The following SYAP1 variants were observed in gnomAD, a reference collection of about 807,000 sequenced individuals.
SYAP1 encodes synapse-associated protein 1.
A neutral mutation model predicts 29.6 loss-of-function variants in SYAP1; 3 were observed. The observed-to-expected ratio is 0.10, with a 90% confidence interval of 0.05 to 0.26. The LOEUF is 0.26. Ranked by LOEUF, SYAP1 falls within the 10% of genes least tolerant of loss-of-function variation. The probability of loss-of-function intolerance (pLI) is 1.00; values close to 1 mark genes in which losing one functional copy is unlikely to be tolerated. For synonymous variants in SYAP1, 102 were observed against 102.7 expected (o/e 0.99, Z 0.04); for missense variants, 217 against 264.1 (o/e 0.82, Z 1.24).
intron 3 of SYAP1, among the ~76,000 whole-genome samples, chrX:16,738,527 C>G (rs1244462190): frequency 8.9e-6 from 1 of 111,772 alleles, no homozygotes; most frequent in Non-Finnish European, 1.9e-5. Flanking sequence ...CAAAAATTAG[C>G]TGGGCCTAGT....
At chrX:16,757,347 G>C (rs745576824) in intron 8 of SYAP1, 38 bp downstream of exon 8, 1 of 1,166,562 alleles carries the variant, frequency 8.6e-7, no homozygotes, top group African/African-American at 1.8e-5. Flanking sequence ...GAAACTATTC[G>C]TCTCCCTAAT....
In SYAP1 at chrX:16,759,186, C is replaced by T. The variant is rs369616229; in HGVS notation, c.932-1046C>T. Reference sequence around the variant, plus strand: ...CAGCCTGGGCAACAGAGCAAGACTCCGTCTCAAAAAAAAAAAAAAAATACA... The same window carrying T: ...CAGCCTGGGCAACAGAGCAAGACTCTGTCTCAAAAAAAAAAAAAAAATACA... On this transcript the variant is annotated intron_variant, in intron 8 of 8. Coordinates refer to ENST00000380155, the MANE Select transcript of SYAP1 (RefSeq NM_032796.4). 1.9e-4 allele frequency among the ~76,000 whole-genome samples: 18 copies of T among 96,907 alleles called. No individual in the cohort carries two copies. In the East Asian group the frequency reaches 2.3e-3, roughly 12 times the overall value. The allele number at this position is 96,907 out of a possible 115,157, so 84.2% of individuals were successfully genotyped here.
At chrX:16,728,945 A>T (rs148845034) in intron 1 of SYAP1, among the ~76,000 whole-genome samples, 2,673 of 107,752 alleles carry the variant, frequency 0.025, 103 homozygotes, top group African/African-American at 0.087. Flanking sequence ...AGGCTGAGGC[A>T]GGAGAATTGC....
intron 6 of SYAP1, among the ~76,000 whole-genome samples, chrX:16,755,497 A>T (rs1472551241): frequency 9.3e-6 from 1 of 107,914 alleles, no homozygotes; most frequent in African/African-American, 3.4e-5. Context: ...AACATCCGTC[A>T]TCTTCCCCCC....
chrX:16,741,979 T>A (rs1926470305), intron 4 of SYAP1, among the ~76,000 whole-genome samples, 190 bp downstream of exon 4: 1 of 109,027 alleles, frequency 9.2e-6, no homozygotes, highest in Non-Finnish European at 1.9e-5. Context: ...TTTTATTTTT[T>A]TTTTGAGATG....
intron 5 of SYAP1, among the ~76,000 whole-genome samples, chrX:16,745,861 T>G (rs113141175): frequency 0.036 from 4,017 of 111,287 alleles, 74 homozygotes; most frequent in Non-Finnish European, 0.057. Flanking sequence ...TGTGTTTTTA[T>G]GTATGTAATT....
chrX:16,720,689 G>A (rs1158321765), intron 1 of SYAP1, among the ~76,000 whole-genome samples: 1 of 111,916 alleles, frequency 8.9e-6, no homozygotes, highest in Non-Finnish European at 1.9e-5. Context: ...CTCATTTCTG[G>A]AGAGACCATG....
At chrX:16,757,838 C>T (rs1305859504) in intron 8 of SYAP1, among the ~76,000 whole-genome samples, 1 of 107,949 alleles carries the variant, frequency 9.3e-6, no homozygotes, top group Admixed American at 1.0e-4. Context: ...ACCCGGGAGG[C>T]GGATGTTGCA....
chrX:16,741,934 G>A (rs1685806969), intron 4 of SYAP1, 145 bp downstream of exon 4: 2 of 415,364 alleles, frequency 4.8e-6, no homozygotes, highest in African/African-American at 5.1e-5. Flanking sequence ...AACACATGAT[G>A]TGTACATTAA....
chrX:16,722,494 C>T (rs1241825928), intron 1 of SYAP1, among the ~76,000 whole-genome samples: 2 of 107,416 alleles, frequency 1.9e-5, no homozygotes, highest in African/African-American at 6.8e-5. Context: ...CGCCACTGCA[C>T]TCCAGTGTAG....
chrX:16,758,205 G>C (rs771639700), intron 8 of SYAP1, among the ~76,000 whole-genome samples: 4 of 110,718 alleles, frequency 3.6e-5, no homozygotes, highest in Non-Finnish European at 7.6e-5. Flanking sequence ...CACCACACCA[G>C]GCTAATTTTT....
chrX:16,743,962 T>G, intron 5 of SYAP1, 122 bp downstream of exon 5: 1 of 800,785 alleles, frequency 1.2e-6, no homozygotes, highest in Non-Finnish European at 1.8e-6. Flanking sequence ...CCGCAGCCCT[T>G]TGGCAGCTCC....
chrX:16,731,275 G>C (rs1926199194), intron 1 of SYAP1, among the ~76,000 whole-genome samples: 1 of 111,491 alleles, frequency 9.0e-6, no homozygotes, highest in Admixed American at 9.6e-5. Flanking sequence ...TATGACATTT[G>C]TTATGAGTAT....
At chrX:16,723,065 C>G (rs1926000929) in intron 1 of SYAP1, among the ~76,000 whole-genome samples, 1 of 112,247 alleles carries the variant, frequency 8.9e-6, no homozygotes, top group Admixed American at 9.5e-5. Context: ...TATTCCATGC[C>G]TAGGAATGGG....
chrX:16,729,135 C>T (rs369298758), intron 1 of SYAP1, among the ~76,000 whole-genome samples: 47 of 110,155 alleles, frequency 4.3e-4, no homozygotes, highest in African/African-American at 1.3e-3. Flanking sequence ...TTACTGATAA[C>T]GTACACTGAT....
At chrX:16,746,810 ACTC>A (rs1926620191) in intron 5 of SYAP1, among the ~76,000 whole-genome samples, 1 of 110,535 alleles carries the variant, frequency 9.0e-6, no homozygotes, top group Admixed American at 9.7e-5. Flanking sequence ...CTGGTCTTGA[ACTC>A]CTGACCTCAG....
At chrX:16,730,546 A>G (rs952241768) in intron 1 of SYAP1, among the ~76,000 whole-genome samples, 2 of 112,268 alleles carry the variant, frequency 1.8e-5, no homozygotes, top group Non-Finnish European at 3.8e-5. Context: ...ATCTAACTCC[A>G]TGTGTCCCAG....
rs964910069 is a variant in SYAP1, at chrX:16,761,654, CAG to C, written c.*1298_*1299del. 4 of 109,769 alleles carry C rather than the reference CAG, an allele frequency of 3.6e-5. No homozygotes were observed. Among genetic ancestry groups the C allele is most frequent in the Admixed American group, 9.9e-5 (1 of 10,063 alleles). 9.0% of individuals were successfully genotyped at this position (109,769 alleles called of 1,213,427 possible). ...CGCCACTGCACTCCAGCCTGGGTGA[CAG>C]AGTGAGAGACTCCGTCTCAAAAATG... On this transcript the variant is annotated 3_prime_UTR_variant, in exon 9 of 9. Coordinates refer to ENST00000380155, the MANE Select transcript of SYAP1 (RefSeq NM_032796.4).
At chrX:16,755,125 GAA>G in intron 6 of SYAP1, 32 bp downstream of exon 6, 1 of 1,198,113 alleles carries the variant, frequency 8.3e-7, no homozygotes, top group South Asian at 1.8e-5. Context: ...GCACTCTACA[GAA>G]AAAGTTGTTC....
Sources: gnomAD v4.1 joint callset for allele counts (sites outside exome capture counted in the v4.1 genomes callset) on GRCh38, gnomAD v4.1.1 for gene constraint, MANE v1.5 for transcripts, NCBI Gene and HGNC (gene_info 2026-07-23, HGNC 2026-07-21) for gene names.